Variants in SOX5 observed in about 807,000 individuals in gnomAD.
SOX5 encodes the protein SRY-box transcription factor 5.
A neutral mutation model predicts 92.0 loss-of-function variants in SOX5; 9 were observed. The observed-to-expected ratio is 0.10, with a 90% CI of 0.06 to 0.17. The LOEUF (loss-of-function observed/expected upper bound fraction) is 0.17. Ranked by LOEUF, SOX5 falls within the 10% of genes least tolerant of loss-of-function variation. SOX5 has a pLI of 1.00. For synonymous variants in SOX5, 344 were observed against 336.3 expected, an observed-to-expected ratio of 1.02 and a Z score of -0.25; for missense variants, 642 against 944.5, an observed-to-expected ratio of 0.68 and a Z score of 4.20.
chr12:24,302,585 T>C (rs1239084203), intron 2 of SOX5, among the ~76,000 whole-genome samples: 1 of 152,124 alleles, frequency 6.6e-6, no homozygotes, highest in Admixed American at 6.5e-5. Context: ...GCATTACAAG[T>C]TCCCAGGCTA....
At chr12:23,982,633 C>A (rs532726174) in intron 4 of SOX5, among the ~76,000 whole-genome samples, 1 of 151,882 alleles carries the variant, frequency 6.6e-6, no homozygotes, top group African/African-American at 2.4e-5. Flanking sequence ...CTAACTAACT[C>A]TTAAAGTAGA....
chr12:23,615,793 T>C (rs1039413711), intron 8 of SOX5, among the ~76,000 whole-genome samples: 1 of 152,240 alleles, frequency 6.6e-6, no homozygotes, highest in African/African-American at 2.4e-5. Flanking sequence ...TATCCCGTAA[T>C]GTATTTTACA....
At chr12:23,673,897 G>T (rs2085218825) in intron 6 of SOX5, among the ~76,000 whole-genome samples, 1 of 151,844 alleles carries the variant, frequency 6.6e-6, no homozygotes, top group East Asian at 1.9e-4. Context: ...TACTTTAAAA[G>T]GGTAAGTTTT....
chr12:24,412,122 T>TATCGTATCGATACGATCGATAA (rs1326235071), intron 1 of SOX5, among the ~76,000 whole-genome samples: 3 of 152,232 alleles, frequency 2.0e-5, no homozygotes, highest in African/African-American at 4.8e-5. Context: ...GATACATCCG[T>TATCGTATCGATACGATCGATAA]ATCGTATCGA....
intron 4 of SOX5, among the ~76,000 whole-genome samples, chr12:24,162,542 T>G (rs2139004743): frequency 6.6e-6 from 1 of 152,226 alleles, no homozygotes. Flanking sequence ...CTTAACAACT[T>G]ATTTTCTCAA....
chr12:24,275,655 A>T (rs1944353651), intron 3 of SOX5, among the ~76,000 whole-genome samples: 1 of 152,186 alleles, frequency 6.6e-6, no homozygotes, highest in African/African-American at 2.4e-5. Flanking sequence ...CTTAAAAGAA[A>T]TATAAAATTT....
At chr12:23,730,969 A>G (rs1482483390) in intron 6 of SOX5, among the ~76,000 whole-genome samples, 2 of 152,204 alleles carry the variant, frequency 1.3e-5, no homozygotes, top group Non-Finnish European at 2.9e-5. Context: ...ACGTGAGTCT[A>G]AGTGGCCTAG....
At chr12:24,071,473 T>C (rs12305561) in intron 4 of SOX5, among the ~76,000 whole-genome samples, 48,745 of 152,116 alleles carry the variant, frequency 0.32, 8,448 homozygotes, top group Non-Finnish European at 0.4. Flanking sequence ...CTCACTCTGT[T>C]GCCCAAGCTG....
At chr12:23,927,299 G>C (rs1389551263) in intron 1 of SOX5, among the ~76,000 whole-genome samples, 1 of 152,002 alleles carries the variant, frequency 6.6e-6, no homozygotes, top group African/African-American at 2.4e-5. Flanking sequence ...TTCCACTGGA[G>C]GTATATCACT....
At chr12:24,424,866 CA>C (rs1028361671) in intron 1 of SOX5, among the ~76,000 whole-genome samples, 1 of 140,512 alleles carries the variant, frequency 7.1e-6, no homozygotes, top group Non-Finnish European at 1.5e-5. Context: ...CACACACATA[CA>C]AAAAAATCCT....
At chr12:23,900,353 G>T (rs1023600789) in intron 1 of SOX5, among the ~76,000 whole-genome samples, 1 of 152,128 alleles carries the variant, frequency 6.6e-6, no homozygotes, top group Non-Finnish European at 1.5e-5. Flanking sequence ...AACTACTGGG[G>T]TCTTTTGCTA....
chr12:24,484,248 A>G lies in SOX5; in HGVS notation c.-251+78081T>C, dbSNP rs144907305. 5.5e-4 allele frequency among the ~76,000 whole-genome samples: 84 copies of G among 152,076 alleles called. 1 individual carries two copies. The East Asian group carries it at 0.014, about 26-fold the overall frequency. The stretch of plus-strand genomic sequence containing the variant: ...TTGTTACTTGTCTCTGATTGTTTCC[A>G]TTTGGTTTACTAGGAAGGCATAATT... On this transcript the variant is annotated intron_variant, in intron 1 of 4. Coordinates refer to the SOX5 transcript ENST00000446891.
chr12:24,270,468 A>C (rs909817887), intron 3 of SOX5, among the ~76,000 whole-genome samples: 5 of 152,194 alleles, frequency 3.3e-5, no homozygotes, highest in Non-Finnish European at 7.3e-5. Context: ...AAAGCATAAA[A>C]CACCACAAAA....
intron 1 of SOX5, among the ~76,000 whole-genome samples, chr12:24,504,902 T>A (rs922216425): frequency 6.6e-6 from 1 of 152,126 alleles, no homozygotes; most frequent in African/African-American, 2.4e-5. Flanking sequence ...CATGCCGCAT[T>A]GAAGATGAGA....
chr12:24,180,833 T>C (rs1183653964), intron 4 of SOX5, among the ~76,000 whole-genome samples: 1 of 152,192 alleles, frequency 6.6e-6, no homozygotes, highest in Non-Finnish European at 1.5e-5. Context: ...ATAGGAAAAA[T>C]AGGACAAAGT....
At chr12:23,613,319 G>A (rs2076179733) in intron 8 of SOX5, among the ~76,000 whole-genome samples, 1 of 143,934 alleles carries the variant, frequency 6.9e-6, no homozygotes, top group Non-Finnish European at 1.5e-5. Context: ...CCATTAGGAC[G>A]ACTCCTATCA....
At chr12:24,083,876 C>T (rs1162154406) in intron 4 of SOX5, among the ~76,000 whole-genome samples, 1 of 151,978 alleles carries the variant, frequency 6.6e-6, no homozygotes, top group African/African-American at 2.4e-5. Context: ...GAAATCTAGG[C>T]TGGAGCCATA....
intron 3 of SOX5, among the ~76,000 whole-genome samples, chr12:24,228,648 CTGTGTGTGTGTGCGTGTGTGTGCG>C (rs1232075417): frequency 6.6e-6 from 1 of 152,074 alleles, no homozygotes; most frequent in East Asian, 1.9e-4. Flanking sequence ...CAGAAATATT[CTGTGTGTGTGTGCGTGTGTGTGCG>C]TGTGTGTGTC....
chr12:24,069,002 A>C (rs1941355426), intron 4 of SOX5, among the ~76,000 whole-genome samples: 1 of 151,724 alleles, frequency 6.6e-6, no homozygotes, highest in Non-Finnish European at 1.5e-5. Context: ...AAAAAAAAAA[A>C]AGTTGAAAAT....
Sources: gnomAD v4.1 joint callset for allele counts (sites outside exome capture counted in the v4.1 genomes callset) on GRCh38, gnomAD v4.1.1 for gene constraint, MANE v1.5 for transcripts, NCBI Gene and HGNC (gene_info 2026-07-23, HGNC 2026-07-21) for gene names.